The following KAT2B variants were observed in gnomAD, a reference collection of about 807,000 sequenced individuals.
KAT2B encodes the protein lysine acetyltransferase 2B.
Under a neutral mutation model 105.9 loss-of-function variants are expected in KAT2B, and 36 were observed. The ratio of observed to expected loss-of-function variants is 0.34; its 90% CI spans 0.26 to 0.45. KAT2B has a LOEUF of 0.45. KAT2B is among the 20% of genes least tolerant of loss of function. KAT2B has a pLI of 1.00. For missense variants in KAT2B, 820 were observed against 1,021.6 expected (o/e 0.80, Z 2.69); for synonymous variants, 397 against 377.9 (o/e 1.05, Z -0.59).
intron 1 of KAT2B, among the ~76,000 whole-genome samples, chr3:20,070,137 T>G (rs898052419): frequency 6.6e-6 from 1 of 152,018 alleles, no homozygotes; most frequent in Non-Finnish European, 1.5e-5. Flanking sequence ...TGTAGGTGCT[T>G]CTCCTGGCCC....
intron 2 of KAT2B, among the ~76,000 whole-genome samples, chr3:20,073,092 C>CT (rs1283385386): frequency 4.6e-5 from 7 of 152,038 alleles, no homozygotes; most frequent in African/African-American, 1.7e-4. Context: ...GTTCTTTGTC[C>CT]TAATACTAGT....
At chr3:20,150,720 T>C (rs542495720) in intron 17 of KAT2B, among the ~76,000 whole-genome samples, 1 of 152,330 alleles carries the variant, frequency 6.6e-6, no homozygotes, top group African/African-American at 2.4e-5. Context: ...CAGAATTGGT[T>C]ATAGTTATTC....
At chr3:20,133,996 T>A (rs956625926) in intron 11 of KAT2B, among the ~76,000 whole-genome samples, 1 of 152,198 alleles carries the variant, frequency 6.6e-6, no homozygotes, top group Non-Finnish European at 1.5e-5. Context: ...ATTTTTGATA[T>A]TAAATCTTTG....
At chr3:20,076,030 C>G (rs1323189253) in intron 2 of KAT2B, among the ~76,000 whole-genome samples, 1 of 151,964 alleles carries the variant, frequency 6.6e-6, no homozygotes, top group Non-Finnish European at 1.5e-5. Flanking sequence ...ATAACCTGGT[C>G]TCTCTGGTGA....
At chr3:20,089,819 A>AT (rs1431156068) in intron 2 of KAT2B, among the ~76,000 whole-genome samples, 2 of 151,794 alleles carry the variant, frequency 1.3e-5, no homozygotes, top group Non-Finnish European at 2.9e-5. Flanking sequence ...TGTTTCCTTG[A>AT]TTTTTTGTTT....
chr3:20,105,674 G>A (rs779980305), intron 5 of KAT2B, among the ~76,000 whole-genome samples: 1 of 151,928 alleles, frequency 6.6e-6, no homozygotes, highest in African/African-American at 2.4e-5. Context: ...GCATGAGCCT[G>A]TGGTCCCAGC....
intron 13 of KAT2B, among the ~76,000 whole-genome samples, chr3:20,145,436 A>G (rs1276745527): frequency 2.6e-5 from 4 of 152,138 alleles, no homozygotes; most frequent in Admixed American, 6.6e-5. Flanking sequence ...TTTGAAATCA[A>G]TCAGGAAGTA....
intron 5 of KAT2B, among the ~76,000 whole-genome samples, chr3:20,110,811 G>T (rs562788511): frequency 6.6e-6 from 1 of 152,062 alleles, no homozygotes; most frequent in East Asian, 1.9e-4. Flanking sequence ...CTAGAACTGT[G>T]GTCACATCTC....
rs571369149 is a variant in KAT2B, at chr3:20,114,584, G to A, written c.1044-298G>A. On this transcript the variant is annotated intron_variant, in intron 6 of 17. Coordinates refer to ENST00000263754, the MANE Select transcript of KAT2B (RefSeq NM_003884.5). ...TGCAGCTATATGGAGGGCTGAAATCGTGCTCTGAGATTCACTGAGGAAGAT... is the reference window on the plus strand; with the variant it reads ...TGCAGCTATATGGAGGGCTGAAATCATGCTCTGAGATTCACTGAGGAAGAT... Among the ~76,000 whole-genome samples, 5 of 152,262 alleles carry A rather than the reference G, an allele frequency of 3.3e-5. No individual in the cohort carries two copies. In the South Asian group the frequency reaches 6.2e-4, roughly 19 times the overall value.
chr3:20,051,011 G>A (rs933186096), intron 1 of KAT2B, among the ~76,000 whole-genome samples: 20 of 151,916 alleles, frequency 1.3e-4, no homozygotes, highest in African/African-American at 3.9e-4. Flanking sequence ...GACCAGCCTG[G>A]CCAACATGAC....
At chr3:20,109,743 AT>A (rs1166847945) in intron 5 of KAT2B, among the ~76,000 whole-genome samples, 1 of 152,164 alleles carries the variant, frequency 6.6e-6, no homozygotes, top group Non-Finnish European at 1.5e-5. Context: ...GCACTTTATA[AT>A]TTTTTTCTGC....
intron 2 of KAT2B, among the ~76,000 whole-genome samples, chr3:20,081,381 A>T (rs551970109): frequency 3.9e-5 from 6 of 152,278 alleles, no homozygotes; most frequent in Non-Finnish European, 8.8e-5. Context: ...AGCAAGGTTG[A>T]CAGCTGCACC....
At chr3:20,081,579 T>G (rs939582068) in intron 2 of KAT2B, among the ~76,000 whole-genome samples, 1 of 152,086 alleles carries the variant, frequency 6.6e-6, no homozygotes, top group Non-Finnish European at 1.5e-5. Context: ...AAGTGGACAC[T>G]GGGGGAACTG....
chr3:20,115,273 G>A (rs1279027724), intron 7 of KAT2B, among the ~76,000 whole-genome samples: 1 of 152,198 alleles, frequency 6.6e-6, no homozygotes, highest in Non-Finnish European at 1.5e-5. Flanking sequence ...TGAGTCTCAG[G>A]ATGTGAACTA....
chr3:20,092,209 A>T (rs988960483), intron 2 of KAT2B, among the ~76,000 whole-genome samples: 4 of 108,874 alleles, frequency 3.7e-5, no homozygotes, highest in African/African-American at 1.0e-4. Context: ...TTCAATCTCT[A>T]CTTTCACATA....
chr3:20,149,690 T>C (rs566808165), intron 17 of KAT2B, among the ~76,000 whole-genome samples: 2 of 152,128 alleles, frequency 1.3e-5, no homozygotes, highest in East Asian at 1.9e-4. Context: ...TGAACACACA[T>C]CTATATGCTT....
chr3:20,055,654 A>G (rs1413630984), intron 1 of KAT2B, among the ~76,000 whole-genome samples: 1 of 152,072 alleles, frequency 6.6e-6, no homozygotes, highest in East Asian at 1.9e-4. Flanking sequence ...GTATGAGTGT[A>G]GGAGATTAGG....
chr3:20,129,594 C>CAGGCTGGTCT, intron 11 of KAT2B, among the ~76,000 whole-genome samples: 1 of 152,092 alleles, frequency 6.6e-6, no homozygotes, highest in African/African-American at 2.4e-5. Context: ...CAGGCTGGTC[C>CAGGCTGGTCT]TGAACTCCTG....
At chr3:20,121,222 T>C (rs1013374330) in intron 8 of KAT2B, among the ~76,000 whole-genome samples, 28 of 152,204 alleles carry the variant, frequency 1.8e-4, no homozygotes, top group African/African-American at 6.3e-4. Context: ...TCTGGAAGAA[T>C]CGTCTACAGT....
Sources: gnomAD v4.1 joint callset for allele counts (sites outside exome capture counted in the v4.1 genomes callset) on GRCh38, gnomAD v4.1.1 for gene constraint, MANE v1.5 for transcripts, NCBI Gene and HGNC (gene_info 2026-07-23, HGNC 2026-07-21) for gene names.